SMIM26: variants seen among roughly 807,000 people sequenced by gnomAD.
The protein encoded by SMIM26 is long intergenic non-protein coding RNA 493.
In SMIM26, 2 loss-of-function variants were observed where a neutral mutation model predicts 2.5. The ratio of observed to expected loss-of-function variants is 0.80; its 90% CI spans 0.33 to 2.53. The LOEUF is 2.53. Ranked by LOEUF, SMIM26 falls within the 30% of genes most tolerant of loss-of-function variation. The pLI is 0.11. For missense variants in SMIM26, 77 were observed against 46.1 expected (o/e 1.67, Z -1.94); for synonymous variants, 32 against 17.8 (o/e 1.80, Z -2.01).
Position 18,567,473 on chromosome 20 carries a change from G to C in SMIM26, c.-6G>C, listed in dbSNP as rs764089880. The C allele has an allele frequency of 1.4e-6, 1 of 703,034 alleles. No homozygotes were observed. The highest frequency in any genetic ancestry group is 2.7e-5 in the East Asian group (1 of 37,274). The allele number at this position is 703,034 out of a possible 1,614,324, so 43.5% of individuals were successfully genotyped here. On this transcript the variant is annotated 5_prime_UTR_variant, in exon 1 of 2. Transcript: ENST00000411646. ...TGCGAGAATCGAGGCACTCGCTGGC[G>C]TACCCATGTATCGAAATGAGTTCAC... is the stretch of plus-strand genomic sequence containing the variant.
rs753523473 is a variant in SMIM26, at chr20:18,569,355, A to T, written c.238A>T (p.Ile80Phe). Reference sequence around the variant, plus strand: ...AGATTTTGTTCCAAATACAGAAAAGATCCTCAACTATTGGAAATCATGGAC... The same window carrying T: ...AGATTTTGTTCCAAATACAGAAAAGTTCCTCAACTATTGGAAATCATGGAC... The part of the protein sequence containing the change: ...KEDFVPNTEK[I>F]LNYWKSWTGG... The change falls in exon 2 of 2, where the codon ATC becomes TTC. Residue 80 changes from isoleucine to phenylalanine, a missense_variant. Transcript: ENST00000411646. 35 of 702,802 alleles carry T rather than the reference A, an allele frequency of 5.0e-5. No homozygotes were observed. Among genetic ancestry groups the T allele is most frequent in the South Asian group, 4.9e-4 (33 of 67,608 alleles). The allele number at this position is 702,802 out of a possible 1,614,324, so 43.5% of individuals were successfully genotyped here.
chr20:18,568,383 C>T (rs1420287019), intron 1 of SMIM26, among the ~76,000 whole-genome samples: 1 of 152,088 alleles, frequency 6.6e-6, no homozygotes, highest in African/African-American at 2.4e-5. Context: ...TGGCTCACGC[C>T]TGTAATCCCA....
chr20:18,569,193 A>G (rs985265443), intron 1 of SMIM26, 43 bp from the exon 2 acceptor site: 1 of 631,746 alleles, frequency 1.6e-6, no homozygotes, highest in Non-Finnish European at 2.8e-6. Flanking sequence ...TAAGTTAATA[A>G]TTCAGGTGTT....
At chr20:18,568,604 C>T (rs1444517626) in intron 1 of SMIM26, 1 of 150,678 alleles carries the variant, frequency 6.6e-6, no homozygotes, top group Non-Finnish European at 1.5e-5. Context: ...TGTTTTCTTT[C>T]TTTCGTTCTT....
At chr20:18,568,479 C>T (rs2060521668) in intron 1 of SMIM26, among the ~76,000 whole-genome samples, 1 of 151,260 alleles carries the variant, frequency 6.6e-6, no homozygotes, top group Admixed American at 6.6e-5. Context: ...CCCATCTCTA[C>T]CAAAAGAAAA....
At chr20:18,568,828 G>A (rs1031262744) in intron 1 of SMIM26, 2 of 154,702 alleles carry the variant, frequency 1.3e-5, no homozygotes, top group African/African-American at 4.8e-5. Flanking sequence ...CCAGGCTGGA[G>A]TGCACTGGCG....
At chr20:18,567,760 A>C (rs1455408534) in intron 1 of SMIM26, among the ~76,000 whole-genome samples, 164 bp downstream of exon 1, 2 of 152,242 alleles carry the variant, frequency 1.3e-5, no homozygotes, top group African/African-American at 4.8e-5. Flanking sequence ...TCTGCAAAGA[A>C]CTAGACTCCA....
In SMIM26 at chr20:18,567,529, C is replaced by T. The variant is rs1223667058; in HGVS notation, c.51C>T (p.Tyr17=). 1.4e-6 allele frequency: 1 copy of T among 702,930 alleles called. No homozygotes were observed. Among genetic ancestry groups the T allele is most frequent in the Non-Finnish European group, 2.6e-6 (1 of 385,016 alleles). The allele number at this position is 702,930 out of a possible 1,614,324, so 43.5% of individuals were successfully genotyped here. Residue 17 remains tyrosine (Y), a synonymous_variant, in exon 1 of 2, where the codon TAC becomes TAT. Coordinates refer to ENST00000411646, the MANE Select transcript of SMIM26 (RefSeq NM_001348957.2). ...TAWYRRMSVV[Y]GIGTWSVLGS... is the part of the protein sequence containing the mutation. The stretch of plus-strand genomic sequence containing the variant: ...GGTACCGGCGGATGTCGGTGGTCTA[C>T]GGGATCGGCACCTGGTCTGTGTTGG...
chr20:18,568,888 G>A (rs2060522976), intron 1 of SMIM26: 1 of 177,062 alleles, frequency 5.6e-6, no homozygotes, highest in Non-Finnish European at 1.2e-5. Flanking sequence ...CAGTCCTCCT[G>A]CCTCATCCTC....
At position 18,569,148 on chromosome 20, in the gene SMIM26, C is replaced by T. The variant is rs1237010520; in HGVS notation, c.119-88C>T. On this transcript the variant is annotated intron_variant, in intron 1 of 1. Transcript: ENST00000411646. ...TGGAGAGAGTGGATGTAATTCTTACCTTAGTTAATTTCTAAGACTTTAATG... is the reference window on the plus strand; with the variant it reads ...TGGAGAGAGTGGATGTAATTCTTACTTTAGTTAATTTCTAAGACTTTAATG... 9.9e-6 allele frequency: 6 copies of T among 604,244 alleles called. No individual in the cohort carries two copies. The Admixed American group carries it at 1.5e-4, about 15-fold the overall frequency. The allele number at this position is 604,244 out of a possible 1,614,324, so 37.4% of individuals were successfully genotyped here. A position where few individuals can be genotyped will look rare whatever the true frequency, so the allele number is the denominator to read the frequency against.
At chr20:18,567,974 C>G (rs561018849) in intron 1 of SMIM26, among the ~76,000 whole-genome samples, 133 of 152,178 alleles carry the variant, frequency 8.7e-4, no homozygotes, top group African/African-American at 3.0e-3. Context: ...CTTTTAGCAG[C>G]CAAGGCGTAT....
At chr20:18,567,693 G>A (rs2060518756) in intron 1 of SMIM26, 97 bp downstream of exon 1, 1 of 677,198 alleles carries the variant, frequency 1.5e-6, no homozygotes, top group South Asian at 1.5e-5. Flanking sequence ...TTAAATCCCA[G>A]GTTTATTCTG....
rs1469294085 is a variant in SMIM26, at chr20:18,567,588, A to G, written c.110A>G (p.Lys37Arg). ...SLLYYSRTMA[K>R]SSVDQKDGSA... is the part of the protein sequence containing the mutation. Reference sequence around the variant, plus strand: ...CTTTACTATAGCCGGACAATGGCGAAGTCGTCAGGTAGGGCTCTTCGGCGG... The same window carrying G: ...CTTTACTATAGCCGGACAATGGCGAGGTCGTCAGGTAGGGCTCTTCGGCGG... The change falls in exon 1 of 2, where the codon AAG becomes AGG. Residue 37 changes from lysine (K) to arginine (R), a missense_variant. By Grantham distance (26) the Lys-to-Arg change is conservative. Transcript: ENST00000411646. 3 of 702,952 alleles carry G rather than the reference A, an allele frequency of 4.3e-6. No homozygotes were observed. The highest frequency in any genetic ancestry group is 5.2e-6 in the Non-Finnish European group (2 of 385,010). 43.5% of individuals were successfully genotyped at this position (702,952 alleles called of 1,614,324 possible).
chr20:18,568,609 G>A (rs759456927), intron 1 of SMIM26: 5 of 149,736 alleles, frequency 3.3e-5, no homozygotes, highest in Non-Finnish European at 5.9e-5. Flanking sequence ...TCTTTCTTTC[G>A]TTCTTTTTTT....
chr20:18,567,732 C>A, intron 1 of SMIM26, 136 bp downstream of exon 1: 1 of 631,998 alleles, frequency 1.6e-6, no homozygotes, highest in Non-Finnish European at 2.9e-6. Flanking sequence ...GTGCTAACAG[C>A]CGTTTGTTAT....
At chr20:18,569,196 C>T (rs1229421513) in intron 1 of SMIM26, 40 bp from the exon 2 acceptor site, 2 of 625,816 alleles carry the variant, frequency 3.2e-6, no homozygotes, top group African/African-American at 2.0e-5. Flanking sequence ...GTTAATAATT[C>T]AGGTGTTCTT....
chr20:18,567,636 C>G (rs1204000839), intron 1 of SMIM26, 40 bp downstream of exon 1: 3 of 694,986 alleles, frequency 4.3e-6, no homozygotes, highest in Non-Finnish European at 7.9e-6. Flanking sequence ...AACACACGGC[C>G]TTCGATGAGA....
intron 1 of SMIM26, chr20:18,569,017 C>G (rs1236421892): frequency 2.3e-6 from 1 of 430,694 alleles, no homozygotes; most frequent in Non-Finnish European, 4.1e-6. Context: ...CTCAGGTGGT[C>G]CACCTGCCTC....
intron 1 of SMIM26, among the ~76,000 whole-genome samples, chr20:18,568,216 A>G (rs775275693): frequency 6.6e-6 from 1 of 152,268 alleles, no homozygotes; most frequent in Non-Finnish European, 1.5e-5. Flanking sequence ...ATTAAATTGT[A>G]TATTTTAAGT....
Sources: gnomAD v4.1 joint callset for allele counts (sites outside exome capture counted in the v4.1 genomes callset) on GRCh38, gnomAD v4.1.1 for gene constraint, MANE v1.5 for transcripts, NCBI Gene and HGNC (gene_info 2026-07-23, HGNC 2026-07-21) for gene names.